The following DNMT3A variants were observed in gnomAD, a reference collection of about 807,000 sequenced individuals.
DNMT3A encodes the protein DNA methyltransferase 3 alpha, also known as DNA (cytosine-5)-methyltransferase 3A.
A neutral mutation model predicts 117.6 loss-of-function variants in DNMT3A; 267 were observed. That is an observed-to-expected ratio of 2.27 (90% CI 2.05 to 2.51). The LOEUF is 2.51. Among genes scored for constraint, DNMT3A ranks in the 30% most tolerant of loss-of-function variants. The probability of loss-of-function intolerance (pLI) is 0.00; values close to 1 mark genes in which losing one functional copy is unlikely to be tolerated. For synonymous variants in DNMT3A, 432 were observed against 474.8 expected, an observed-to-expected ratio of 0.91 and a Z score of 1.17; for missense variants, 1,029 against 1,260.2, an observed-to-expected ratio of 0.82 and a Z score of 2.78.
At position 25,246,429 on chromosome 2, in the gene DNMT3A, T is replaced by C; in HGVS notation, c.1280-120A>G. On this transcript the variant is annotated intron_variant, in intron 10 of 22. Transcript: ENST00000321117. ...CTCCAACTTGTTCCCACCTCCCAACTCTACGGTTCTAGCCAACCAACAGAG... is the reference window on the plus strand; with the variant it reads ...CTCCAACTTGTTCCCACCTCCCAACCCTACGGTTCTAGCCAACCAACAGAG... 3.5e-6 allele frequency: 5 copies of C among 1,448,140 alleles called. No individual in the cohort carries two copies. The South Asian group carries it at 6.8e-5, about 20-fold the overall frequency. 89.7% of individuals were successfully genotyped at this position (1,448,140 alleles called of 1,614,324 possible). A position where few individuals can be genotyped will look rare whatever the true frequency, so the allele number is the denominator to read the frequency against.
At chr2:25,329,174 C>T (rs752089852) in intron 1 of DNMT3A, among the ~76,000 whole-genome samples, 1 of 152,182 alleles carries the variant, frequency 6.6e-6, no homozygotes, top group African/African-American at 2.4e-5. Flanking sequence ...TGGAGGGGGC[C>T]GAGGGAGGGA....
At chr2:25,278,857 G>T (rs902665194) in intron 4 of DNMT3A, among the ~76,000 whole-genome samples, 13 of 152,050 alleles carry the variant, frequency 8.5e-5, no homozygotes, top group African/African-American at 3.1e-4. Flanking sequence ...TTCCTCCCGT[G>T]ATCACACATG....
rs2034831864 is a variant in DNMT3A, at chr2:25,327,502, C to T, written c.-177-13341G>A. 6.6e-6 allele frequency among the ~76,000 whole-genome samples: 1 copy of T among 152,184 alleles called. No individual in the cohort carries two copies. The highest frequency in any genetic ancestry group is 2.1e-4 in the South Asian group (1 of 4,830). On this transcript the variant is annotated intron_variant, in intron 1 of 22. Transcript: ENST00000321117. The surrounding 1 kb of genome is among the most constrained non-coding windows in gnomAD (Gnocchi z 4.1). Reference sequence around the variant, plus strand: ...AGCAACTGCCTTCTGTGTGTTCTCTCCCAGCCATGACTCCATCTGGCTCCT... The same window carrying T: ...AGCAACTGCCTTCTGTGTGTTCTCTTCCAGCCATGACTCCATCTGGCTCCT...
intron 6 of DNMT3A, among the ~76,000 whole-genome samples, chr2:25,269,530 C>A (rs1231469771): frequency 6.6e-6 from 1 of 152,096 alleles, no homozygotes; most frequent in African/African-American, 2.4e-5. Flanking sequence ...TAGGGGACAC[C>A]CTTCTATTAG....
rs1223938962 is a variant in DNMT3A at position 25,233,488 on chromosome 2, T to A, written c.*791A>T. The A allele has an allele frequency of 8.6e-6, 2 of 233,458 alleles. No individual in the cohort carries two copies. The highest frequency in any genetic ancestry group is 1.7e-5 in the Non-Finnish European group (2 of 117,958). 14.5% of individuals were successfully genotyped at this position (233,458 alleles called of 1,614,324 possible). A position where few individuals can be genotyped will look rare whatever the true frequency, so the allele number is the denominator to read the frequency against. ...ATATCTCATATCTATCATATATATA[T>A]AAACTGTAAACAAGAGGTAACAGCG... On this transcript the variant is annotated 3_prime_UTR_variant, in exon 23 of 23. Coordinates refer to ENST00000321117, the MANE Select transcript of DNMT3A (RefSeq NM_022552.5).
rs893765775 is a variant in DNMT3A at position 25,257,416 on chromosome 2, G to A, written c.640-9164C>T. Reference sequence around the variant, plus strand: ...TGGGGTGAAGTACCAGCCCCTGGAAGGGAGGCCTCTGCTTGGAGCTTGTTG... The same window carrying A: ...TGGGGTGAAGTACCAGCCCCTGGAAAGGAGGCCTCTGCTTGGAGCTTGTTG... On this transcript the variant is annotated intron_variant, in intron 6 of 22. Transcript: ENST00000321117. The surrounding 1 kb of genome is among the most constrained non-coding windows in gnomAD (Gnocchi z 4.8). Among the ~76,000 whole-genome samples, 2 of 152,222 alleles carry A rather than the reference G, an allele frequency of 1.3e-5. No individual in the cohort carries two copies. Among genetic ancestry groups the A allele is most frequent in the African/African-American group, 2.4e-5 (1 of 41,456 alleles).
At chr2:25,324,042 C>T (rs1265154453) in intron 1 of DNMT3A, among the ~76,000 whole-genome samples, 1 of 152,202 alleles carries the variant, frequency 6.6e-6, no homozygotes, top group Non-Finnish European at 1.5e-5. Context: ...ACTTTGGGCA[C>T]GGACTGGCCA....
chr2:25,317,056 ATT>A (rs988999382), intron 1 of DNMT3A, among the ~76,000 whole-genome samples: 6 of 152,072 alleles, frequency 3.9e-5, no homozygotes, highest in Non-Finnish European at 7.4e-5. Context: ...CAATAGAAAC[ATT>A]TTTTGTTTGT....
chr2:25,239,136 A>G lies in DNMT3A; in HGVS notation c.2402T>C (p.Met801Thr). The G allele has an allele frequency of 1.2e-6, 2 of 1,613,960 alleles. No homozygotes were observed. The highest frequency in any genetic ancestry group is 1.3e-5 in the African/African-American group (1 of 75,054). Residue 801 changes from methionine (M) to threonine (T), a missense_variant, in exon 20 of 23, where the codon ATG becomes ACG. By Grantham distance (81) the Met-to-Thr change is moderately conservative. Transcript: ENST00000321117. Reference protein sequence around the residue: ...ARYFWGNLPGMNRPLASTVND... With the variant: ...ARYFWGNLPGTNRPLASTVND... The stretch of plus-strand genomic sequence containing the variant: ...CCCAGGAGCTTTCACCAACCTGTTC[A>G]TACCGGGAAGGTTACCCCAGAAGTA...
At chr2:25,300,727 ATATAT>A (rs1336089251) in intron 2 of DNMT3A, among the ~76,000 whole-genome samples, 6 of 25,478 alleles carry the variant, frequency 2.4e-4, no homozygotes, top group Non-Finnish European at 4.3e-4. Context: ...ATATATATAT[ATATAT>A]ATATATATAT....
At chr2:25,261,046 C>A (rs1213865967) in intron 6 of DNMT3A, among the ~76,000 whole-genome samples, 1 of 151,936 alleles carries the variant, frequency 6.6e-6, no homozygotes, top group Admixed American at 6.6e-5. Flanking sequence ...GTAATTCCAG[C>A]ACTTTGGGAG....
rs1479601098 is a variant in DNMT3A at position 25,293,241 on chromosome 2, C to T, written c.177+6898G>A. Among the ~76,000 whole-genome samples, 13 of 152,124 alleles carry T rather than the reference C, an allele frequency of 8.5e-5. No individual in the cohort carries two copies. Among genetic ancestry groups the T allele is most frequent in the East Asian group, 3.9e-4 (2 of 5,178 alleles). On this transcript the variant is annotated intron_variant, in intron 3 of 22. Transcript: ENST00000321117. This position sits in a 1 kb window ranked among gnomAD's most constrained non-coding sequence, Gnocchi z 4.7. The stretch of plus-strand genomic sequence containing the variant: ...AGCATAGGCTTGGCCAATTCTGCCC[C>T]GCCACTGCCACCCCCCACAGGCCCT...
chr2:25,285,287 CT>C (rs2032217818), intron 3 of DNMT3A, among the ~76,000 whole-genome samples: 1 of 152,254 alleles, frequency 6.6e-6, no homozygotes, highest in African/African-American at 2.4e-5. Flanking sequence ...AGGACCTGAA[CT>C]CTCAACCCAC....
rs11331019 is a variant in DNMT3A at position 25,233,778 on chromosome 2, C to CAAAAAAAAAAAAAAAAAAACAA, written c.*500_*501insTTGTTTTTTTTTTTTTTTTTTT. 1 of 146,234 alleles carries CAAAAAAAAAAAAAAAAAAACAA rather than the reference C, an allele frequency of 6.8e-6. No individual in the cohort carries two copies. Among genetic ancestry groups the CAAAAAAAAAAAAAAAAAAACAA allele is most frequent in the Non-Finnish European group, 1.2e-5 (1 of 80,236 alleles). The allele number at this position is 146,234 out of a possible 1,614,324, so 9.1% of individuals were successfully genotyped here. A position where few individuals can be genotyped will look rare whatever the true frequency, so the allele number is the denominator to read the frequency against. Reference sequence around the variant, plus strand: ...AAGATATATAGTAAAAAAAAAAACCCAAAAAAAAAAAACAAAAAACAAAAA... The same window carrying CAAAAAAAAAAAAAAAAAAACAA: ...AAGATATATAGTAAAAAAAAAAACCCAAAAAAAAAAAAAAAAAAACAAAAAAAAAAAAAACAAAAAACAAAAA... On this transcript the variant is annotated 3_prime_UTR_variant, in exon 23 of 23. Coordinates refer to ENST00000321117, the MANE Select transcript of DNMT3A (RefSeq NM_022552.5).
chr2:25,315,289 G>C (rs1264568951), intron 1 of DNMT3A, among the ~76,000 whole-genome samples: 4 of 152,232 alleles, frequency 2.6e-5, no homozygotes, highest in African/African-American at 9.6e-5. Flanking sequence ...TTCTCCAGGG[G>C]TGCATTCTTG....
rs1674118020 is a variant in DNMT3A at position 25,241,922 on chromosome 2, T to C, written c.1937-215A>G. On this transcript the variant is annotated intron_variant, in intron 16 of 22. Transcript: ENST00000321117. ...TGTCTCATGCCTCGTTTGGCCTATC[T>C]GGAAGGCAGTCAAAGCTGCAGAAAA... 1.5e-5 allele frequency: 9 copies of C among 585,346 alleles called. No individual in the cohort carries two copies. In the South Asian group the frequency reaches 2.2e-4, roughly 15 times the overall value. The allele number at this position is 585,346 out of a possible 1,614,324, so 36.3% of individuals were successfully genotyped here.
intron 3 of DNMT3A, among the ~76,000 whole-genome samples, chr2:25,288,670 T>C (rs1004646408): frequency 6.6e-6 from 1 of 152,186 alleles, no homozygotes; most frequent in African/African-American, 2.4e-5. Context: ...ATTTACCATT[T>C]TAACCATTTT....
chr2:25,248,566 T>TC (rs397716966), intron 6 of DNMT3A, among the ~76,000 whole-genome samples: 2 of 152,066 alleles, frequency 1.3e-5, no homozygotes, highest in African/African-American at 4.8e-5. Flanking sequence ...TTTTTTTTTT[T>TC]GGAGACAGAG....
rs955314669 is a variant in DNMT3A at position 25,228,093 on chromosome 2, G to A, written c.*6186C>T. The A allele has an allele frequency of 2.0e-5, 3 of 150,762 alleles. No individual in the cohort carries two copies. Among genetic ancestry groups the A allele is most frequent in the African/African-American group, 7.3e-5 (3 of 40,936 alleles). 9.3% of individuals were successfully genotyped at this position (150,762 alleles called of 1,614,324 possible). ...ACACAGAGATACAACAGGACACCAG[G>A]CGGGTGGGGCAGGGACCCCTCGGGC... On this transcript the variant is annotated 3_prime_UTR_variant, in exon 23 of 23. Coordinates refer to ENST00000321117, the MANE Select transcript of DNMT3A (RefSeq NM_022552.5).
Sources: gnomAD v4.1 joint callset for allele counts (sites outside exome capture counted in the v4.1 genomes callset) on GRCh38, gnomAD v4.1.1 for gene constraint, Gnocchi (gnomAD v3.1) non-coding constraint, MANE v1.5 for transcripts, NCBI Gene and HGNC (gene_info 2026-07-23, HGNC 2026-07-21) for gene names.